Variants in TMEM74B observed in about 807,000 individuals in gnomAD.
TMEM74B encodes the protein transmembrane protein C20orf46.
Under a neutral mutation model 6.5 loss-of-function variants are expected in TMEM74B, and 7 were observed. The observed-to-expected ratio is 1.07, with a 90% confidence interval of 0.61 to 2.01. The LOEUF (loss-of-function observed/expected upper bound fraction) is 2.01, where lower values mean the gene tolerates loss of function less well. TMEM74B is among the 30% of genes most tolerant of loss of function. The pLI is 0.00. For missense variants in TMEM74B, 342 were observed against 337.0 expected (o/e 1.01, Z -0.12); for synonymous variants, 151 against 151.6 (o/e 1.00, Z 0.03).
Position 1,181,347 on chromosome 20 carries a change from A to G in TMEM74B, c.272T>C (p.Val91Ala), listed in dbSNP as rs764469016. 3.2e-6 allele frequency: 5 copies of G among 1,579,496 alleles called. No individual in the cohort carries two copies. Among genetic ancestry groups the G allele is most frequent in the Middle Eastern group, 1.7e-4 (1 of 5,888 alleles). Residue 91 changes from valine (V) to alanine (A), a missense_variant, in exon 3 of 3, where the codon GTC becomes GCC. Coordinates refer to ENST00000429036, the MANE Select transcript of TMEM74B (RefSeq NM_001304748.2). The surrounding 1 kb of genome is among the most constrained non-coding windows in gnomAD (Gnocchi z 4.9). ...LGSSPSPPGG[V>A]SSLPRSQRDD... ...CCGCTGGGATCGGGGCAGTGAGGAG[A>G]CACCCCCAGGGGGACTGGGTGAGCT...
In TMEM74B at chr20:1,181,251, A is replaced by G. The variant is rs1187562598; in HGVS notation, c.368T>C (p.Phe123Ser). 1.2e-6 allele frequency: 2 copies of G among 1,614,012 alleles called. No individual in the cohort carries two copies. Among genetic ancestry groups the G allele is most frequent in the East Asian group, 4.5e-5 (2 of 44,856 alleles). The change falls in exon 3 of 3, where the codon TTT becomes TCT. Residue 123 changes from phenylalanine to serine, a missense_variant. Transcript: ENST00000429036. This position sits in a 1 kb window ranked among gnomAD's most constrained non-coding sequence, Gnocchi z 4.9. ...EPVSRPVDYG[F>S]VSALVFLVSG... ...CACCAGGAAAACGAGGGCGGAAACAAAGCCATAATCCACCGGGCGGCTCAC... is the reference window on the plus strand; with the variant it reads ...CACCAGGAAAACGAGGGCGGAAACAGAGCCATAATCCACCGGGCGGCTCAC...
chr20:1,186,667 C>G (rs2087025863), upstream of TMEM74B, among the ~76,000 whole-genome samples: 1 of 152,120 alleles, frequency 6.6e-6, no homozygotes, highest in Admixed American at 6.6e-5. Context: ...CCTGACCTGC[C>G]CTCCTCCAAA....
intron 2 of TMEM74B, 118 bp downstream of exon 2, chr20:1,183,653 C>A (rs757925195): frequency 3.8e-5 from 48 of 1,277,778 alleles, no homozygotes; most frequent in Non-Finnish European, 5.2e-5. Flanking sequence ...ACCAGCCCCA[C>A]GATCCGGAAT....
chr20:1,185,459 G>A (rs1273599272), upstream of TMEM74B: 1 of 151,542 alleles, frequency 6.6e-6, no homozygotes, highest in Non-Finnish European at 1.5e-5. Context: ...GGGATCCGGG[G>A]ACGGAGGGAC....
At position 1,181,049 on chromosome 20, in the gene TMEM74B, G is replaced by C. The variant is rs576561174; in HGVS notation, c.570C>G (p.Leu190=). ...GLGLLTVGGM[L]LSVLLMVSLC... is the part of the protein sequence containing the mutation. ...GGGAGACCATGAGCAGCACCGACAA[G>C]AGCATGCCGCCCACCGTGAGCAGCC... is the stretch of plus-strand genomic sequence containing the variant. Residue 190 remains leucine (L), a synonymous_variant, in exon 3 of 3, where the codon CTC becomes CTG. Transcript: ENST00000429036. The surrounding 1 kb of genome is among the most constrained non-coding windows in gnomAD (Gnocchi z 4.9). 2 of 1,613,384 alleles carry C rather than the reference G, an allele frequency of 1.2e-6. No individual in the cohort carries two copies. The highest frequency in any genetic ancestry group is 4.5e-5 in the East Asian group (2 of 44,832).
chr20:1,181,780 A>G lies in TMEM74B; in HGVS notation c.32-193T>C, dbSNP rs1210022659. Reference sequence around the variant, plus strand: ...ATCCAAGCCCAGATCCCACTCTACCACCGGGTGGGGTATGGCTGTGGGCAA... The same window carrying G: ...ATCCAAGCCCAGATCCCACTCTACCGCCGGGTGGGGTATGGCTGTGGGCAA... On this transcript the variant is annotated intron_variant, in intron 2 of 2. Transcript: ENST00000429036. This position sits in a 1 kb window ranked among gnomAD's most constrained non-coding sequence, Gnocchi z 4.9. Among the ~76,000 whole-genome samples the G allele has an allele frequency of 1.3e-5, 2 of 152,022 alleles. No individual in the cohort carries two copies. Among genetic ancestry groups the G allele is most frequent in the African/African-American group, 2.4e-5 (1 of 41,390 alleles).
upstream of TMEM74B, among the ~76,000 whole-genome samples, chr20:1,188,411 T>TAC (rs71327492): frequency 1.9e-3 from 271 of 146,016 alleles, 1 homozygote; most frequent in Non-Finnish European, 2.6e-3. Context: ...AAAGAAATGC[T>TAC]ACACACACAC....
Position 1,183,919 on chromosome 20 carries a change from G to A in TMEM74B, c.-118C>T. 1 of 1,222,372 alleles carries A rather than the reference G, an allele frequency of 8.2e-7. No homozygotes were observed. Among genetic ancestry groups the A allele is most frequent in the Non-Finnish European group, 1.2e-6 (1 of 858,652 alleles). 75.7% of individuals were successfully genotyped at this position (1,222,372 alleles called of 1,614,324 possible). A position where few individuals can be genotyped will look rare whatever the true frequency, so the allele number is the denominator to read the frequency against. ...CAGGCATAAGTTTGAATTCCATCTG[G>A]GTCCCCAGCCTGCGCCCAGACTGCT... On this transcript the variant is annotated 5_prime_UTR_variant, in exon 2 of 3. Transcript: ENST00000429036.
rs1242936148 is a variant in TMEM74B, at chr20:1,184,438, C to T, written c.-284G>A. On this transcript the variant is annotated 5_prime_UTR_variant, in exon 1 of 3. Coordinates refer to ENST00000429036, the MANE Select transcript of TMEM74B (RefSeq NM_001304748.2). This position sits in a 1 kb window ranked among gnomAD's most constrained non-coding sequence, Gnocchi z 6.0. ...GCTGCTCCCGCCCACCATTCACACCCCACGACCCCACCAGTTACTAATTTC... is the reference window on the plus strand; with the variant it reads ...GCTGCTCCCGCCCACCATTCACACCTCACGACCCCACCAGTTACTAATTTC... 1.3e-5 allele frequency: 2 copies of T among 152,514 alleles called. No individual in the cohort carries two copies. The highest frequency in any genetic ancestry group is 3.8e-4 in the East Asian group (2 of 5,198). The allele number at this position is 152,514 out of a possible 1,614,324, so 9.4% of individuals were successfully genotyped here. A position where few individuals can be genotyped will look rare whatever the true frequency, so the allele number is the denominator to read the frequency against.
upstream of TMEM74B, among the ~76,000 whole-genome samples, chr20:1,188,994 C>T (rs1175109663): frequency 2.2e-4 from 1 of 4,452 alleles, no homozygotes. Flanking sequence ...GGTGGCGGGG[C>T]GGGGGCGGGG....
rs1327578798 is a variant in TMEM74B, at chr20:1,180,998, C to G, written c.621G>C (p.Arg207=). ...AGCCCTTGCCGGGGACGAAGGTCCT[C>G]CGGCGGTACAGCTCGCCCTTGCACA... The part of the protein sequence containing the change: ...VSLCKGELYR[R]RTFVPGKGSR... The change falls in exon 3 of 3, where the codon CGG becomes CGC. Residue 207 remains arginine (R), a synonymous_variant. Transcript: ENST00000429036. This position sits in a 1 kb window ranked among gnomAD's most constrained non-coding sequence, Gnocchi z 6.1. 6.2e-7 allele frequency: 1 copy of G among 1,614,038 alleles called. No homozygotes were observed. Among genetic ancestry groups the G allele is most frequent in the Non-Finnish European group, 8.5e-7 (1 of 1,179,998 alleles).
chr20:1,181,175 T>G lies in TMEM74B; in HGVS notation c.444A>C (p.Arg148=), dbSNP rs1459285787. The G allele has an allele frequency of 1.2e-6, 2 of 1,614,098 alleles. No homozygotes were observed. Among genetic ancestry groups the G allele is most frequent in the South Asian group, 2.2e-5 (2 of 91,076 alleles). ...VTAYAIPREA[R]VNPDTVTARE... is the part of the protein sequence containing the mutation. ...GCGCTGTCACTGTGTCCGGATTGAC[T>G]CGAGCCTCACGGGGGATGGCGTATG... is the stretch of plus-strand genomic sequence containing the variant. Residue 148 remains arginine, a synonymous_variant, in exon 3 of 3, where the codon CGA becomes CGC. Transcript: ENST00000429036. The surrounding 1 kb of genome is among the most constrained non-coding windows in gnomAD (Gnocchi z 4.9).
chr20:1,185,249 A>ACGCCTGCGGGGGTCT (rs550087496), upstream of TMEM74B: 1 of 151,132 alleles, frequency 6.6e-6, no homozygotes, highest in African/African-American at 2.4e-5. Context: ...CAGCCGGCGT[A>ACGCCTGCGGGGGTCT]CGCCTGCGGG....
chr20:1,183,993 G>A, intron 1 of TMEM74B, 45 bp from the exon 2 acceptor site: 3 of 598,698 alleles, frequency 5.0e-6, no homozygotes, highest in Non-Finnish European at 8.6e-6. Context: ...TTGTTGGTTG[G>A]CTTTTTACTC....
upstream of TMEM74B, chr20:1,185,014 G>C (rs2086983614): frequency 6.6e-6 from 1 of 152,242 alleles, no homozygotes; most frequent in African/African-American, 2.4e-5. Flanking sequence ...CGGGGAGGCC[G>C]GGTCCCCTGG....
In TMEM74B at chr20:1,181,974, G is replaced by A. The variant is rs1162850242; in HGVS notation, c.32-387C>T. On this transcript the variant is annotated intron_variant, in intron 2 of 2. Coordinates refer to ENST00000429036, the MANE Select transcript of TMEM74B (RefSeq NM_001304748.2). The surrounding 1 kb of genome is among the most constrained non-coding windows in gnomAD (Gnocchi z 4.9). ...TATTATACTGGAGGGAATGTAGGTA[G>A]TGTGAATATCAGGCTCAAATCCCAG... 6.6e-6 allele frequency among the ~76,000 whole-genome samples: 1 copy of A among 152,240 alleles called. No homozygotes were observed. Among genetic ancestry groups the A allele is most frequent in the Admixed American group, 6.5e-5 (1 of 15,288 alleles).
chr20:1,187,297 A>T (rs552636302), upstream of TMEM74B, among the ~76,000 whole-genome samples: 11 of 152,206 alleles, frequency 7.2e-5, no homozygotes, highest in Admixed American at 1.3e-4. Flanking sequence ...CCTAAAAAAT[A>T]AGTGCCAAAA....
At chr20:1,184,988 G>C (rs1300729892), upstream of TMEM74B, 2 of 152,232 alleles carry the variant, frequency 1.3e-5, no homozygotes, top group South Asian at 4.1e-4. This position sits in a 1 kb window ranked among gnomAD's most constrained non-coding sequence, Gnocchi z 6.0. Context: ...AGGCCGAACC[G>C]GACCAGGCGG....
rs576063121 is a variant in TMEM74B at position 1,184,539 on chromosome 20, T to C, written c.-385A>G. 3 of 152,396 alleles carry C rather than the reference T, an allele frequency of 2.0e-5. No individual in the cohort carries two copies. In the South Asian group the frequency reaches 6.2e-4, roughly 32 times the overall value. 9.4% of individuals were successfully genotyped at this position (152,396 alleles called of 1,614,324 possible). A position where few individuals can be genotyped will look rare whatever the true frequency, so the allele number is the denominator to read the frequency against. On this transcript the variant is annotated 5_prime_UTR_variant, in exon 1 of 3. Transcript: ENST00000429036. The surrounding 1 kb of genome is among the most constrained non-coding windows in gnomAD (Gnocchi z 6.0). ...CCCCCAGCAGCTGTTCCCACAGCAG[T>C]ACCCACAGACACCCAGAAGTCACGT...
Sources: gnomAD v4.1 joint callset for allele counts (sites outside exome capture counted in the v4.1 genomes callset) on GRCh38, gnomAD v4.1.1 for gene constraint, Gnocchi (gnomAD v3.1) non-coding constraint, MANE v1.5 for transcripts, NCBI Gene and HGNC (gene_info 2026-07-23, HGNC 2026-07-21) for gene names.